Variants in ZNF292 observed in about 807,000 individuals in gnomAD.
The protein encoded by ZNF292 is zinc finger protein 292, also known as 16 zinc-finger domain protein.
In ZNF292, 26 loss-of-function variants were observed where a neutral mutation model predicts 217.9. That is an observed-to-expected ratio of 0.12 (90% CI 0.09 to 0.17). The LOEUF is 0.17. ZNF292 is among the 10% of genes least tolerant of loss of function. The probability of loss-of-function intolerance (pLI) is 1.00; values close to 1 mark genes in which losing one functional copy is unlikely to be tolerated. For missense variants in ZNF292, 2,904 were observed against 3,175.2 expected, an observed-to-expected ratio of 0.91 and a Z score of 2.05; for synonymous variants, 1,257 against 1,124.1, an observed-to-expected ratio of 1.12 and a Z score of -2.37.
chr6:87,261,474 G>A lies in ZNF292; in HGVS notation c.7845G>A (p.Pro2615=), dbSNP rs777380559. 6 of 1,603,714 alleles carry A rather than the reference G, an allele frequency of 3.7e-6. No homozygotes were observed. The highest frequency in any genetic ancestry group is 1.7e-5 in the Admixed American group (1 of 58,060). ...AGAAAAATACTGACAAAGACCATCC[G>A]AATACTGGAAACAAAAAAGGATCCC... is the stretch of plus-strand genomic sequence containing the variant. ...KQKKNTDKDH[P]NTGNKKGSHS... is the part of the protein sequence containing the mutation. Residue 2615 remains proline, a synonymous_variant, in exon 8 of 8, where the codon CCG becomes CCA. Coordinates refer to ENST00000369577, the MANE Select transcript of ZNF292 (RefSeq NM_015021.3).
chr6:87,156,810 A>T (rs150925232), intron 1 of ZNF292, among the ~76,000 whole-genome samples: 10 of 152,354 alleles, frequency 6.6e-5, no homozygotes, highest in African/African-American at 2.2e-4. Flanking sequence ...AGAGTTTGGG[A>T]CTACATTTGC....
intron 5 of ZNF292, among the ~76,000 whole-genome samples, chr6:87,239,308 G>A (rs1163160700): frequency 1.3e-5 from 2 of 150,542 alleles, no homozygotes; most frequent in East Asian, 4.0e-4. Context: ...GGGCAGAGGC[G>A]CCCCCCCACC....
At chr6:87,197,897 G>T (rs1036318320) in intron 1 of ZNF292, among the ~76,000 whole-genome samples, 2 of 152,020 alleles carry the variant, frequency 1.3e-5, no homozygotes, top group African/African-American at 4.8e-5. Context: ...GGGATTTTCA[G>T]ATCATTTCTA....
In ZNF292 at chr6:87,258,120, T is replaced by C. The variant is rs760357132; in HGVS notation, c.4491T>C (p.Ala1497=). Residue 1497 remains alanine, a synonymous_variant, in exon 8 of 8, where the codon GCT becomes GCC. Coordinates refer to ENST00000369577, the MANE Select transcript of ZNF292 (RefSeq NM_015021.3). ...SEIIKQALET[A]GIPSTFEGAE... is the part of the protein sequence containing the mutation. The stretch of plus-strand genomic sequence containing the variant: ...TTATTAAACAGGCTTTGGAAACTGC[T>C]GGCATTCCCAGTACATTTGAGGGTG... 4 of 1,612,688 alleles carry C rather than the reference T, an allele frequency of 2.5e-6. No homozygotes were observed. The highest frequency in any genetic ancestry group is 3.4e-6 in the Non-Finnish European group (4 of 1,179,316).
At chr6:87,232,887 T>A (rs1254801776) in intron 4 of ZNF292, among the ~76,000 whole-genome samples, 1 of 152,100 alleles carries the variant, frequency 6.6e-6, no homozygotes, top group Non-Finnish European at 1.5e-5. Flanking sequence ...ATTAGTTGAA[T>A]CTCTTCTTCT....
chr6:87,213,642 T>C (rs1267838513), intron 1 of ZNF292: 1 of 152,436 alleles, frequency 6.6e-6, no homozygotes, highest in African/African-American at 2.4e-5. Flanking sequence ...GTAAAGCAGG[T>C]GACCGGGATG....
At chr6:87,231,396 G>A (rs887765192) in intron 4 of ZNF292, among the ~76,000 whole-genome samples, 12 of 151,964 alleles carry the variant, frequency 7.9e-5, no homozygotes, top group African/African-American at 2.9e-4. Context: ...TCTACTCCTC[G>A]CTATGTCATT....
At chr6:87,155,907 C>T (rs1770513690) in intron 1 of ZNF292, 148 bp downstream of exon 1, 2 of 1,004,020 alleles carry the variant, frequency 2.0e-6, no homozygotes, top group Admixed American at 2.9e-5. Context: ...AGGAAGGCGC[C>T]TTTGTGTGGC....
chr6:87,235,582 T>A (rs76076080), intron 5 of ZNF292, among the ~76,000 whole-genome samples: 41 of 150,566 alleles, frequency 2.7e-4, no homozygotes, highest in Non-Finnish European at 3.4e-4. Context: ...AAAAAAAAAA[T>A]CTGTATTTCT....
rs1481726963 is a variant in ZNF292, at chr6:87,257,127, A to G, written c.3498A>G (p.Pro1166=). The change falls in exon 8 of 8, where the codon CCA becomes CCG. Residue 1166 remains proline (P), a synonymous_variant. Coordinates refer to ENST00000369577, the MANE Select transcript of ZNF292 (RefSeq NM_015021.3). ...FLPSPVNSSN[P]FFTSQTKANG... ...CATCACCGGTGAACAGCTCAAATCC[A>G]TTTTTTACATCACAGACCAAAGCCA... is the stretch of plus-strand genomic sequence containing the variant. The G allele has an allele frequency of 3.1e-6, 5 of 1,613,852 alleles. No homozygotes were observed. In the East Asian group the frequency reaches 8.9e-5, roughly 29 times the overall value.
intron 3 of ZNF292, 117 bp downstream of exon 3, chr6:87,216,494 C>A (rs995557156): frequency 4.2e-6 from 3 of 710,954 alleles, no homozygotes; most frequent in Non-Finnish European, 7.0e-6. Flanking sequence ...ACATTAATTA[C>A]TGATCTTATT....
chr6:87,205,210 C>T (rs1187396164), intron 1 of ZNF292, among the ~76,000 whole-genome samples: 1 of 152,018 alleles, frequency 6.6e-6, no homozygotes, highest in Non-Finnish European at 1.5e-5. Context: ...GTAGCTGGGA[C>T]TACAGACATG....
At chr6:87,191,919 C>T (rs1174394014) in intron 1 of ZNF292, among the ~76,000 whole-genome samples, 2 of 152,180 alleles carry the variant, frequency 1.3e-5, no homozygotes, top group Non-Finnish European at 1.5e-5. Context: ...CCCTTGGCCT[C>T]CCAAAGTGCT....
chr6:87,256,853 C>G lies in ZNF292; in HGVS notation c.3224C>G (p.Pro1075Arg), dbSNP rs1775249441. The G allele has an allele frequency of 6.2e-7, 1 of 1,613,716 alleles. No individual in the cohort carries two copies. The highest frequency in any genetic ancestry group is 8.5e-7 in the Non-Finnish European group (1 of 1,179,788). The change falls in exon 8 of 8, where the codon CCA becomes CGA. Residue 1075 changes from proline (P) to arginine (R), a missense_variant. Coordinates refer to ENST00000369577, the MANE Select transcript of ZNF292 (RefSeq NM_015021.3). ...ACATTAGAAAGTATTGCATTTGTTC[C>G]ACCGCAGTCCGACCTAAGTAATTCA... is the stretch of plus-strand genomic sequence containing the variant. ...LKTLESIAFVPPQSDLSNSLG... is the reference protein window; with the variant it reads ...LKTLESIAFVRPQSDLSNSLG...
intron 1 of ZNF292, among the ~76,000 whole-genome samples, chr6:87,169,243 G>A (rs940579294): frequency 3.3e-5 from 5 of 151,864 alleles, no homozygotes; most frequent in African/African-American, 4.8e-5. Flanking sequence ...GTTTCACCAC[G>A]TTGGCCAGGC....
In ZNF292 at chr6:87,256,134, T is replaced by A. The variant is rs1775196367; in HGVS notation, c.2505T>A (p.Pro835=). Residue 835 remains proline (P), a synonymous_variant, in exon 8 of 8, where the codon CCT becomes CCA. Coordinates refer to ENST00000369577, the MANE Select transcript of ZNF292 (RefSeq NM_015021.3). ...ATCTGGATGATCACAGTACTCCTCC[T>A]GAAAAAGTGCTGCCTCCTGAAGCCC... ...EKHLDDHSTP[P]EKVLPPEAQL... is the part of the protein sequence containing the mutation. The A allele has an allele frequency of 1.9e-6, 3 of 1,613,720 alleles. No homozygotes were observed. In the East Asian group the frequency reaches 6.7e-5, roughly 36 times the overall value.
At position 87,255,647 on chromosome 6, in the gene ZNF292, A is replaced by G; in HGVS notation, c.2018A>G (p.Gln673Arg). 6.2e-7 allele frequency: 1 copy of G among 1,613,154 alleles called. No homozygotes were observed. The highest frequency in any genetic ancestry group is 1.1e-5 in the South Asian group (1 of 90,954). ...KSYEPEVIPV[Q>R]KPVPVNEFNC... ...TATGAGCCAGAAGTGATTCCAGTCC[A>G]GAAACCAGTACCTGTTAATGAATTT... is the stretch of plus-strand genomic sequence containing the variant. Residue 673 changes from glutamine (Q) to arginine (R), a missense_variant, in exon 8 of 8, where the codon CAG becomes CGG. Gln to Arg is a conservative substitution (Grantham distance 43, BLOSUM62 1). Transcript: ENST00000369577.
intron 1 of ZNF292, among the ~76,000 whole-genome samples, chr6:87,161,108 AACTTTCT>A (rs1770740696): frequency 6.6e-6 from 1 of 152,200 alleles, no homozygotes; most frequent in Non-Finnish European, 1.5e-5. Context: ...GAGGTCAAGA[AACTTTCT>A]ACTTTCTTAG....
At chr6:87,198,663 A>G (rs1017116344) in intron 1 of ZNF292, among the ~76,000 whole-genome samples, 9 of 152,238 alleles carry the variant, frequency 5.9e-5, no homozygotes, top group African/African-American at 9.6e-5. Context: ...GAACTTTGCA[A>G]TCTTTATCTG....
Sources: gnomAD v4.1 joint callset for allele counts (sites outside exome capture counted in the v4.1 genomes callset) on GRCh38, gnomAD v4.1.1 for gene constraint, MANE v1.5 for transcripts, NCBI Gene and HGNC (gene_info 2026-07-23, HGNC 2026-07-21) for gene names.